The following MPRIP variants were observed in gnomAD, a reference collection of about 807,000 sequenced individuals.
MPRIP encodes the protein myosin phosphatase Rho interacting protein, also known as myosin phosphatase Rho-interacting protein.
A neutral mutation model predicts 234.9 loss-of-function variants in MPRIP; 59 were observed. The ratio of observed to expected loss-of-function variants is 0.25; its 90% CI spans 0.20 to 0.31. MPRIP has a LOEUF of 0.31. MPRIP is among the 10% of genes least tolerant of loss of function. The probability of loss-of-function intolerance (pLI) is 1.00; values close to 1 mark genes in which losing one functional copy is unlikely to be tolerated. For synonymous variants in MPRIP, 1,144 were observed against 1,263.9 expected (o/e 0.91, Z 2.01); for missense variants, 2,436 against 3,071.0 (o/e 0.79, Z 4.89).
At position 17,164,131 on chromosome 17, in the gene MPRIP, C is replaced by CG. The variant is rs2045929747; in HGVS notation, c.2543dup (p.Ala849CysfsTer7). ...AAGACTGAAGTGGCCGCCTCCCCAT[C>CG]GGGTGCCTGGCAGAGGCTCCATAGA... On this transcript the variant is annotated frameshift_variant, in exon 16 of 24. Transcript: ENST00000651222. LOFTEE classifies it high-confidence loss of function. 1 of 1,304,054 alleles carries CG rather than the reference C, an allele frequency of 7.7e-7. No homozygotes were observed. Among genetic ancestry groups the CG allele is most frequent in the African/African-American group, 1.5e-5 (1 of 65,822 alleles). The allele number at this position is 1,304,054 out of a possible 1,614,324, so 80.8% of individuals were successfully genotyped here.
chr17:17,122,314 G>A (rs114562732), intron 3 of MPRIP, among the ~76,000 whole-genome samples: 3,450 of 152,146 alleles, frequency 0.023, 102 homozygotes, highest in Middle Eastern at 0.085. Flanking sequence ...GAAGGGAGCT[G>A]TTTTTTGTTT....
chr17:17,164,388 C>G lies in MPRIP; in HGVS notation c.2797C>G (p.Arg933Gly). 7.7e-7 allele frequency: 1 copy of G among 1,290,858 alleles called. No individual in the cohort carries two copies. The highest frequency in any genetic ancestry group is 1.0e-6 in the Non-Finnish European group (1 of 985,792). 80.0% of individuals were successfully genotyped at this position (1,290,858 alleles called of 1,614,324 possible). A position where few individuals can be genotyped will look rare whatever the true frequency, so the allele number is the denominator to read the frequency against. Residue 933 changes from arginine to glycine, a missense_variant, in exon 16 of 24, where the codon CGG becomes GGG. By Grantham distance (125) the Arg-to-Gly change is moderately radical. Transcript: ENST00000651222. ...GGGCGACCTGAAGCGGGAGCAGGGC[C>G]GGGTCCGCGAGCAGCTGGAGGAGCG... ...LKGDLKREQG[R>G]VREQLEERQH...
chr17:17,125,936 T>TGG (rs768317885), intron 3 of MPRIP, among the ~76,000 whole-genome samples: 3 of 152,208 alleles, frequency 2.0e-5, no homozygotes, highest in Non-Finnish European at 4.4e-5. Flanking sequence ...GCAACCCATC[T>TGG]GCTCTCCCAA....
At chr17:17,118,894 G>A (rs1042537084) in intron 3 of MPRIP, among the ~76,000 whole-genome samples, 1 of 152,316 alleles carries the variant, frequency 6.6e-6, no homozygotes, top group East Asian at 1.9e-4. Flanking sequence ...CAAGAGTTAA[G>A]TGCCCTTTCT....
rs1300192426 is a variant in MPRIP, at chr17:17,165,135, GAGA to G, written c.3550_3552del (p.Lys1184del). Reference sequence around the variant, plus strand: ...TAAGGAAGCACATGAGAAGGTTCTGGAGAAGAAGGAGCAGGACCTCAATGAGGC... The same window carrying G: ...TAAGGAAGCACATGAGAAGGTTCTGGAGAAGGAGCAGGACCTCAATGAGGC... On this transcript the variant is annotated inframe_deletion, in exon 16 of 24. Transcript: ENST00000651222. 32 of 1,304,142 alleles carry G rather than the reference GAGA, an allele frequency of 2.5e-5. No homozygotes were observed. The highest frequency in any genetic ancestry group is 3.2e-5 in the Non-Finnish European group (32 of 988,990). 80.8% of individuals were successfully genotyped at this position (1,304,142 alleles called of 1,614,324 possible). A position where few individuals can be genotyped will look rare whatever the true frequency, so the allele number is the denominator to read the frequency against.
Position 17,166,091 on chromosome 17 carries a change from A to T in MPRIP, c.4500A>T (p.Ala1500=). ...CCAGCCAGGAGGATGAGCAGGACGC[A>T]CGCGCAGCCTCCCTGGCCAGTGTGG... ...PRASQEDEQD[A]RAASLASVES... is the part of the protein sequence containing the mutation. The change falls in exon 16 of 24, where the codon GCA becomes GCT. Residue 1500 remains alanine, a synonymous_variant. Transcript: ENST00000651222. This position sits in a 1 kb window ranked among gnomAD's most constrained non-coding sequence, Gnocchi z 4.4. The T allele has an allele frequency of 7.7e-7, 1 of 1,299,220 alleles. No homozygotes were observed. Among genetic ancestry groups the T allele is most frequent in the Non-Finnish European group, 1.0e-6 (1 of 985,546 alleles). The allele number at this position is 1,299,220 out of a possible 1,614,324, so 80.5% of individuals were successfully genotyped here.
rs188710925 is a variant in MPRIP, at chr17:17,167,362, A to G, written c.5771A>G (p.Asp1924Gly). The stretch of plus-strand genomic sequence containing the variant: ...CTCAAGGCCAAGGCCGCCCAGCTAG[A>G]CCATCAGCAGCAGTGTCTGGAGGAT... ...AELKAKAAQL[D>G]HQQQCLEDAE... Residue 1924 changes from aspartate (D) to glycine (G), a missense_variant, in exon 16 of 24, where the codon GAC becomes GGC. Around this residue, in one of 4 missense-constraint regions of MPRIP, gnomAD observed 1,998 missense variants for 2,520.3 expected, o/e 0.79. Coordinates refer to ENST00000651222, the MANE Select transcript of MPRIP (RefSeq NM_001364716.4). The surrounding 1 kb of genome is among the most constrained non-coding windows in gnomAD (Gnocchi z 5.9). 1 of 1,304,188 alleles carries G rather than the reference A, an allele frequency of 7.7e-7. No homozygotes were observed. Among genetic ancestry groups the G allele is most frequent in the African/African-American group, 1.5e-5 (1 of 65,956 alleles). 80.8% of individuals were successfully genotyped at this position (1,304,188 alleles called of 1,614,324 possible). A position where few individuals can be genotyped will look rare whatever the true frequency, so the allele number is the denominator to read the frequency against.
intron 1 of MPRIP, among the ~76,000 whole-genome samples, chr17:17,060,045 T>A (rs2088824018): frequency 6.6e-6 from 1 of 152,158 alleles, no homozygotes; most frequent in Non-Finnish European, 1.5e-5. Flanking sequence ...AGCCTTGATG[T>A]CTTTGCACAG....
At chr17:17,121,640 T>A (rs541119938) in intron 3 of MPRIP, among the ~76,000 whole-genome samples, 1 of 152,356 alleles carries the variant, frequency 6.6e-6, no homozygotes, top group South Asian at 2.1e-4. Flanking sequence ...CTACTGAGAC[T>A]TGGAGGGAGC....
At chr17:17,110,680 G>A (rs917697396) in intron 3 of MPRIP, among the ~76,000 whole-genome samples, 3 of 152,160 alleles carry the variant, frequency 2.0e-5, no homozygotes, top group African/African-American at 4.8e-5. Flanking sequence ...AAGAGAAGGG[G>A]TATCACCTCT....
rs192212729 is a variant in MPRIP, at chr17:17,120,136, G to A, written c.268-6566G>A. On this transcript the variant is annotated intron_variant, in intron 3 of 23. Coordinates refer to ENST00000651222, the MANE Select transcript of MPRIP (RefSeq NM_001364716.4). The stretch of plus-strand genomic sequence containing the variant: ...GGGAAGACTCCCACCCAGGTCTCAC[G>A]TGCGACTGGTTCTGTAACAGCAGCT... Among the ~76,000 whole-genome samples the A allele has an allele frequency of 5.1e-3, 783 of 152,306 alleles. 4 individuals carry two copies. Among genetic ancestry groups the A allele is most frequent in the Non-Finnish European group, 9.7e-3 (663 of 68,032 alleles).
intron 3 of MPRIP, among the ~76,000 whole-genome samples, chr17:17,114,966 T>C (rs2090254313): frequency 6.6e-6 from 1 of 152,288 alleles, no homozygotes; most frequent in Non-Finnish European, 1.5e-5. Context: ...TGGTTCTAAC[T>C]ATGCCCCTGG....
chr17:17,103,379 G>T (rs2090001596), intron 3 of MPRIP, among the ~76,000 whole-genome samples: 1 of 152,222 alleles, frequency 6.6e-6, no homozygotes, highest in African/African-American at 2.4e-5. Flanking sequence ...AGCCGTGAGG[G>T]TATCTTGCAG....
At chr17:17,081,734 C>T (rs1052002638) in intron 3 of MPRIP, among the ~76,000 whole-genome samples, 3 of 152,310 alleles carry the variant, frequency 2.0e-5, no homozygotes, top group South Asian at 4.1e-4. Flanking sequence ...CATCCAGTTC[C>T]GGAAGCTGAC....
chr17:17,068,781 G>A (rs1039755594), intron 1 of MPRIP, among the ~76,000 whole-genome samples: 3 of 152,060 alleles, frequency 2.0e-5, no homozygotes, highest in South Asian at 2.1e-4. Context: ...TGCTTGCCTC[G>A]GTCTGTAATC....
intron 1 of MPRIP, among the ~76,000 whole-genome samples, chr17:17,053,405 G>C (rs1469683051): frequency 1.3e-5 from 2 of 152,152 alleles, no homozygotes; most frequent in African/African-American, 4.8e-5. Context: ...AGCAACCGCA[G>C]GATCTGTGGC....
chr17:17,096,374 C>G (rs2089846574), intron 3 of MPRIP, among the ~76,000 whole-genome samples: 1 of 149,532 alleles, frequency 6.7e-6, no homozygotes, highest in East Asian at 2.0e-4. Context: ...TGCCAGGGGA[C>G]CTGTGTGTGT....
At chr17:17,162,509 ACT>A (rs1421236504) in intron 15 of MPRIP, among the ~76,000 whole-genome samples, 1 of 150,584 alleles carries the variant, frequency 6.6e-6, no homozygotes, top group Non-Finnish European at 1.5e-5. Flanking sequence ...CATGCCCTAG[ACT>A]CTCCTCTCCA....
chr17:17,100,211 T>C (rs986376388), intron 3 of MPRIP, among the ~76,000 whole-genome samples: 3 of 152,176 alleles, frequency 2.0e-5, no homozygotes, highest in African/African-American at 7.2e-5. Flanking sequence ...AGATTCTGAC[T>C]TGAGATCCAA....
Sources: gnomAD v4.1 joint callset for allele counts (sites outside exome capture counted in the v4.1 genomes callset) on GRCh38, gnomAD v4.1.1 for gene constraint, gnomAD v4.1.1 regional missense constraint, Gnocchi (gnomAD v3.1) non-coding constraint, MANE v1.5 for transcripts, NCBI Gene and HGNC (gene_info 2026-07-23, HGNC 2026-07-21) for gene names.